NCOA7: variants seen among roughly 807,000 people sequenced by gnomAD.
NCOA7 encodes the protein 140 kDa estrogen receptor-associated protein.
In NCOA7, 45 loss-of-function variants were observed where a neutral mutation model predicts 104.3. That is an observed-to-expected ratio of 0.43 (90% confidence interval 0.34 to 0.55). NCOA7 has a LOEUF of 0.55. Ranked by LOEUF, NCOA7 falls within the 20% of genes least tolerant of loss-of-function variation. The pLI, the probability that NCOA7 is intolerant of heterozygous loss-of-function variation, is 0.02. For synonymous variants in NCOA7, 398 were observed against 402.3 expected (o/e 0.99, Z 0.13); for missense variants, 1,041 against 1,119.7 (o/e 0.93, Z 1.00).
intron 2 of NCOA7, among the ~76,000 whole-genome samples, chr6:125,848,509 A>G (rs1233633813): frequency 6.6e-6 from 1 of 152,226 alleles, no homozygotes; most frequent in African/African-American, 2.4e-5. Context: ...AGGGACATGA[A>G]TGAAGCTGGA....
intron 1 of NCOA7, 161 bp from the exon 2 acceptor site, chr6:125,815,130 C>G (rs1777464744): frequency 2.8e-6 from 1 of 357,564 alleles, no homozygotes; most frequent in African/African-American, 2.1e-5. Context: ...TGTAGTTTCT[C>G]CCATGGACAT....
intron 2 of NCOA7, among the ~76,000 whole-genome samples, chr6:125,818,409 A>G (rs1777803460): frequency 6.6e-6 from 1 of 152,220 alleles, no homozygotes; most frequent in Admixed American, 6.5e-5. Context: ...CTAAAAATGA[A>G]ACAAAAAACG....
chr6:125,856,267 C>G lies in NCOA7; in HGVS notation c.271+1027C>G, dbSNP rs201448684. ...GTGGTCTCATAGCAGAGAAATGACA[C>G]TCGTTCTGGGCCACCCTCAACTTGG... On this transcript the variant is annotated intron_variant, in intron 3 of 15. Coordinates refer to ENST00000392477, the MANE Select transcript of NCOA7 (RefSeq NM_181782.5). Among the ~76,000 whole-genome samples the G allele has an allele frequency of 9.2e-5, 14 of 152,182 alleles. No homozygotes were observed. In the East Asian group the frequency reaches 2.7e-3, roughly 30 times the overall value.
At chr6:125,896,270 G>C (rs1473459598) in intron 10 of NCOA7, among the ~76,000 whole-genome samples, 1 of 151,986 alleles carries the variant, frequency 6.6e-6, no homozygotes, top group East Asian at 1.9e-4. Flanking sequence ...GAAAGTGTGT[G>C]ACCATATATA....
upstream of NCOA7, among the ~76,000 whole-genome samples, chr6:125,788,540 C>T (rs1275144363): frequency 1.4e-5 from 2 of 141,556 alleles, no homozygotes; most frequent in Non-Finnish European, 3.1e-5. Flanking sequence ...TTTGGAAGAC[C>T]TTTTTTTTTT....
intron 2 of NCOA7, among the ~76,000 whole-genome samples, chr6:125,846,497 G>A (rs1021685141): frequency 3.3e-5 from 5 of 152,048 alleles, no homozygotes; most frequent in Admixed American, 6.6e-5. Context: ...GAAGTCCCAG[G>A]GGGTTTATCA....
intron 1 of NCOA7, among the ~76,000 whole-genome samples, chr6:125,809,251 C>T (rs1776742511): frequency 6.6e-6 from 1 of 151,928 alleles, no homozygotes; most frequent in Admixed American, 6.6e-5. Flanking sequence ...TGCAGTGGTG[C>T]AATCTAGGCT....
At chr6:125,920,295 A>G (rs1218060926) in intron 11 of NCOA7, among the ~76,000 whole-genome samples, 1 of 152,220 alleles carries the variant, frequency 6.6e-6, no homozygotes, top group Admixed American at 6.5e-5. Context: ...TATTTCTAAC[A>G]GAAGTGGTTT....
At chr6:125,904,307 G>A (rs1443846407) in intron 10 of NCOA7, among the ~76,000 whole-genome samples, 2 of 152,170 alleles carry the variant, frequency 1.3e-5, no homozygotes, top group African/African-American at 4.8e-5. Context: ...CTGTTGTGTT[G>A]GCACTGTGCT....
intron 3 of NCOA7, among the ~76,000 whole-genome samples, chr6:125,863,590 A>G (rs2128628962): frequency 7.2e-6 from 1 of 138,480 alleles, no homozygotes; most frequent in South Asian, 2.2e-4. Flanking sequence ...AATTAGAAGT[A>G]AACTAGGAAG....
At chr6:125,830,190 C>T (rs1400513842) in intron 2 of NCOA7, among the ~76,000 whole-genome samples, 1 of 152,124 alleles carries the variant, frequency 6.6e-6, no homozygotes, top group Admixed American at 6.5e-5. Context: ...ACTTCGAATC[C>T]ATACAGAATA....
chr6:125,793,203 G>A (rs920740108), intron 1 of NCOA7, among the ~76,000 whole-genome samples: 2 of 152,148 alleles, frequency 1.3e-5, no homozygotes, highest in African/African-American at 4.8e-5. Flanking sequence ...ATTCCCTCCT[G>A]TAATAAAGAT....
chr6:125,840,482 C>T (rs1436887969), intron 2 of NCOA7, among the ~76,000 whole-genome samples: 2 of 151,996 alleles, frequency 1.3e-5, no homozygotes, highest in Non-Finnish European at 2.9e-5. Context: ...GAGCAGCAAC[C>T]ATACATGGTA....
intron 2 of NCOA7, among the ~76,000 whole-genome samples, chr6:125,838,382 G>T (rs967013273): frequency 2.0e-5 from 3 of 152,076 alleles, no homozygotes; most frequent in Admixed American, 2.0e-4. Flanking sequence ...AGAGAGGATA[G>T]GTGGTAAATG....
intron 1 of NCOA7, among the ~76,000 whole-genome samples, chr6:125,792,864 C>G (rs1774988763): frequency 6.6e-6 from 1 of 151,214 alleles, no homozygotes; most frequent in Admixed American, 6.6e-5. Context: ...TTGATTTCAT[C>G]TTTTTTCCAT....
At position 125,931,836 on chromosome 6, in the gene NCOA7, T is replaced by C. The variant is rs1788476840; in HGVS notation, c.*3065T>C. On this transcript the variant is annotated 3_prime_UTR_variant, in exon 16 of 16. Transcript: ENST00000392477. ...TAGAACATGGGGGCGGTTTCCCCCA[T>C]GCTGTTCTCATGATAGTGAGGGAGT... 6.6e-6 allele frequency: 1 copy of C among 152,164 alleles called. No homozygotes were observed. The highest frequency in any genetic ancestry group is 6.5e-5 in the Admixed American group (1 of 15,274). The allele number at this position is 152,164 out of a possible 1,614,324, so 9.4% of individuals were successfully genotyped here. A position where few individuals can be genotyped will look rare whatever the true frequency, so the allele number is the denominator to read the frequency against.
chr6:125,885,538 A>T (rs967085523), intron 8 of NCOA7, among the ~76,000 whole-genome samples, 195 bp downstream of exon 8: 1 of 152,226 alleles, frequency 6.6e-6, no homozygotes, highest in Non-Finnish European at 1.5e-5. Flanking sequence ...AGTTGAACAT[A>T]TAAAGATTAA....
chr6:125,904,420 G>A (rs1404598169), intron 10 of NCOA7, among the ~76,000 whole-genome samples: 1 of 152,168 alleles, frequency 6.6e-6, no homozygotes, highest in East Asian at 1.9e-4. Flanking sequence ...GAAATCACCA[G>A]TGATCTGATG....
chr6:125,861,422 A>G (rs903756046), intron 3 of NCOA7, among the ~76,000 whole-genome samples: 1 of 152,216 alleles, frequency 6.6e-6, no homozygotes, highest in East Asian at 1.9e-4. Flanking sequence ...TCAAGCCACA[A>G]ATGTCTAATA....
Sources: gnomAD v4.1 joint callset for allele counts (sites outside exome capture counted in the v4.1 genomes callset) on GRCh38, gnomAD v4.1.1 for gene constraint, MANE v1.5 for transcripts, NCBI Gene and HGNC (gene_info 2026-07-23, HGNC 2026-07-21) for gene names.